GFRA1: variants seen among roughly 807,000 people sequenced by gnomAD.
GFRA1 encodes the protein GDNF family receptor alpha-1.
GFRA1 carries 16 observed loss-of-function variants against 51.6 expected under a neutral mutation model. The ratio of observed to expected loss-of-function variants is 0.31; its 90% confidence interval spans 0.21 to 0.47. GFRA1 has a LOEUF of 0.47. Ranked by LOEUF, GFRA1 falls within the 20% of genes least tolerant of loss-of-function variation. GFRA1 has a pLI of 1.00. For synonymous variants in GFRA1, 270 were observed against 241.3 expected (o/e 1.12, Z -1.10); for missense variants, 530 against 594.3 (o/e 0.89, Z 1.13).
chr10:116,226,801 T>C, intron 4 of GFRA1: 1 of 401,336 alleles, frequency 2.5e-6, no homozygotes, highest in South Asian at 1.9e-5. Context: ...GGGTCCTACC[T>C]GGGAGGGATG....
intron 4 of GFRA1, among the ~76,000 whole-genome samples, chr10:116,268,870 C>G (rs756624967): frequency 6.6e-6 from 1 of 152,144 alleles, no homozygotes. Flanking sequence ...CCAAACCACA[C>G]ATAGAACTGC....
chr10:116,274,450 C>G (rs1844144685), upstream of GFRA1, among the ~76,000 whole-genome samples: 1 of 152,174 alleles, frequency 6.6e-6, no homozygotes, highest in Non-Finnish European at 1.5e-5. Flanking sequence ...AGGGCACGGG[C>G]TTTGGTTGAA....
intron 9 of GFRA1, among the ~76,000 whole-genome samples, chr10:116,086,683 G>C (rs899767914): frequency 2.0e-5 from 3 of 152,202 alleles, no homozygotes; most frequent in African/African-American, 4.8e-5. Flanking sequence ...AGGATATGTG[G>C]AGACTGTGCA....
At chr10:116,227,663 C>T (rs1410451804) in intron 4 of GFRA1, among the ~76,000 whole-genome samples, 1 of 152,190 alleles carries the variant, frequency 6.6e-6, no homozygotes, top group African/African-American at 2.4e-5. Context: ...GTCATTGGCT[C>T]ATCTCTGTTC....
chr10:116,178,581 A>C (rs1961887571), intron 5 of GFRA1, among the ~76,000 whole-genome samples: 1 of 152,226 alleles, frequency 6.6e-6, no homozygotes, highest in South Asian at 2.1e-4. Context: ...AACTTCACTA[A>C]GAGTTCTAGA....
At chr10:116,091,619 G>GACAT (rs1471870974) in intron 8 of GFRA1, among the ~76,000 whole-genome samples, 5 of 152,174 alleles carry the variant, frequency 3.3e-5, no homozygotes, top group African/African-American at 1.2e-4. Context: ...CCCCAAACTA[G>GACAT]AAATAAACAA....
chr10:116,088,920 CAAAAAAAAAAAAAAA>C (rs58590152), intron 9 of GFRA1, among the ~76,000 whole-genome samples: 7 of 49,012 alleles, frequency 1.4e-4, no homozygotes, highest in Non-Finnish European at 2.1e-4. Context: ...GACTCTGTCT[CAAAAAAAAAAAAAAA>C]AAAAAAAAAA....
At chr10:116,076,511 AAAGTATTTACCG>A (rs1955625799) in intron 9 of GFRA1, among the ~76,000 whole-genome samples, 1 of 152,168 alleles carries the variant, frequency 6.6e-6, no homozygotes, top group Non-Finnish European at 1.5e-5. Flanking sequence ...ACCTCTTCCC[AAAGTATTTACCG>A]GGTGGAGGGT....
At chr10:116,233,970 A>G (rs1966838689) in intron 4 of GFRA1, among the ~76,000 whole-genome samples, 1 of 152,204 alleles carries the variant, frequency 6.6e-6, no homozygotes, top group African/African-American at 2.4e-5. Context: ...CTGCAAATCA[A>G]TTCACTTTTG....
chr10:116,105,351 C>T (rs1358510185), intron 6 of GFRA1, among the ~76,000 whole-genome samples: 1 of 152,098 alleles, frequency 6.6e-6, no homozygotes, highest in Non-Finnish European at 1.5e-5. Flanking sequence ...CCAGCAGAAC[C>T]ACACCTTAAA....
At chr10:116,266,420 C>T (rs973994167) in intron 4 of GFRA1, among the ~76,000 whole-genome samples, 3 of 152,220 alleles carry the variant, frequency 2.0e-5, no homozygotes, top group African/African-American at 7.2e-5. Flanking sequence ...CATCCTTTTC[C>T]ATCCTGCAAA....
Position 116,235,233 on chromosome 10 carries a change from G to C in GFRA1, c.419-23588C>G, listed in dbSNP as rs570617043. On this transcript the variant is annotated intron_variant, in intron 4 of 10. Coordinates refer to ENST00000355422, the MANE Select transcript of GFRA1 (RefSeq NM_005264.8). ...GTTTGCCAAGGCCAGACAGAGGGAA[G>C]ACACATGTGGCTGAAATGGCCACTG... Among the ~76,000 whole-genome samples the C allele has an allele frequency of 1.3e-4, 20 of 152,300 alleles. No homozygotes were observed. The East Asian group carries it at 3.9e-3, about 29-fold the overall frequency.
intron 4 of GFRA1, among the ~76,000 whole-genome samples, chr10:116,222,713 T>C (rs1966011138): frequency 6.6e-6 from 1 of 152,158 alleles, no homozygotes; most frequent in African/African-American, 2.4e-5. Flanking sequence ...AGAAATCAAG[T>C]TGCAGGATAT....
intron 5 of GFRA1, among the ~76,000 whole-genome samples, chr10:116,135,723 CAT>C (rs1405447635): frequency 5.3e-5 from 8 of 152,246 alleles, no homozygotes; most frequent in South Asian, 4.1e-4. Flanking sequence ...TGTATTGTGA[CAT>C]GTGCAAATGG....
chr10:116,089,555 G>T, intron 9 of GFRA1, among the ~76,000 whole-genome samples, 186 bp downstream of exon 9: 1 of 152,140 alleles, frequency 6.6e-6, no homozygotes, highest in East Asian at 1.9e-4. Flanking sequence ...TCCATAGTCG[G>T]ACTTTCTCTG....
chr10:116,200,894 A>T (rs1030836399), intron 5 of GFRA1, among the ~76,000 whole-genome samples: 3 of 152,240 alleles, frequency 2.0e-5, no homozygotes, highest in African/African-American at 7.2e-5. Context: ...AAGCGAGTTA[A>T]TGTATGTGGA....
At chr10:116,250,110 G>A (rs1369814376) in intron 4 of GFRA1, among the ~76,000 whole-genome samples, 1 of 152,204 alleles carries the variant, frequency 6.6e-6, no homozygotes, top group African/African-American at 2.4e-5. Flanking sequence ...CTAGGGAGGA[G>A]AAAGGCAGAG....
chr10:116,059,826 C>A lies in GFRA1; in HGVS notation c.*4572G>T, dbSNP rs1954716362. 6.6e-6 allele frequency: 1 copy of A among 152,194 alleles called. No individual in the cohort carries two copies. 9.4% of individuals were successfully genotyped at this position (152,194 alleles called of 1,614,324 possible). On this transcript the variant is annotated 3_prime_UTR_variant, in exon 11 of 11. Coordinates refer to ENST00000355422, the MANE Select transcript of GFRA1 (RefSeq NM_005264.8). ...CTCAGAGGAGAGTTAGCTGGAGGAA[C>A]TTCGTATTTGGGGATTAGCATCATC...
At chr10:116,183,705 T>C (rs768790520) in intron 5 of GFRA1, among the ~76,000 whole-genome samples, 2 of 152,144 alleles carry the variant, frequency 1.3e-5, no homozygotes, top group African/African-American at 4.8e-5. Flanking sequence ...TCCTCCTCCT[T>C]CTCTGCCTCT....
Sources: allele counts gnomAD v4.1 joint callset (sites outside exome capture counted in the v4.1 genomes callset), GRCh38; gene constraint gnomAD v4.1.1; transcripts MANE v1.5; gene names NCBI Gene and HGNC (gene_info 2026-07-23, HGNC 2026-07-21).